ATRNL1: variants seen among roughly 807,000 people sequenced by gnomAD.
The protein encoded by ATRNL1 is attractin like 1, also known as attractin-like protein 1.
In ATRNL1, 95 loss-of-function variants were observed where a neutral mutation model predicts 182.7. The observed-to-expected ratio is 0.52, with a 90% CI of 0.44 to 0.62. The LOEUF is 0.62. Ranked by LOEUF, ATRNL1 falls within the 20% of genes least tolerant of loss-of-function variation. The pLI is 0.00. For missense variants in ATRNL1, 1,471 were observed against 1,679.5 expected, an observed-to-expected ratio of 0.88 and a Z score of 2.17; for synonymous variants, 576 against 568.3, an observed-to-expected ratio of 1.01 and a Z score of -0.19.
intron 10 of ATRNL1, among the ~76,000 whole-genome samples, chr10:115,259,664 A>C (rs530011372): frequency 6.6e-6 from 1 of 152,276 alleles, no homozygotes; most frequent in African/African-American, 2.4e-5. Context: ...CAGGTACCTC[A>C]GTTGGAAATG....
chr10:115,577,395 C>T (rs1394494143), intron 26 of ATRNL1, among the ~76,000 whole-genome samples: 1 of 151,698 alleles, frequency 6.6e-6, no homozygotes, highest in African/African-American at 2.4e-5. Flanking sequence ...TCTTCAGTTT[C>T]TTTAATCAAT....
At chr10:115,516,695 T>C (rs1806530321) in intron 24 of ATRNL1, among the ~76,000 whole-genome samples, 1 of 151,924 alleles carries the variant, frequency 6.6e-6, no homozygotes, top group African/African-American at 2.4e-5. Flanking sequence ...CTCTGTCCTT[T>C]GCTCACAATA....
intron 26 of ATRNL1, among the ~76,000 whole-genome samples, chr10:115,624,719 T>C (rs1857982874): frequency 6.6e-6 from 1 of 152,168 alleles, no homozygotes; most frequent in Non-Finnish European, 1.5e-5. Context: ...CAGCTGACTG[T>C]TAAACATTTA....
intron 24 of ATRNL1, among the ~76,000 whole-genome samples, chr10:115,518,090 A>G (rs1850730278): frequency 6.6e-6 from 1 of 151,928 alleles, no homozygotes; most frequent in Admixed American, 6.6e-5. Flanking sequence ...TCTTTACATA[A>G]GAAATACTGA....
At chr10:115,278,736 C>T (rs1852213929) in intron 13 of ATRNL1, among the ~76,000 whole-genome samples, 1 of 152,198 alleles carries the variant, frequency 6.6e-6, no homozygotes, top group Non-Finnish European at 1.5e-5. Flanking sequence ...ACCTTAGGCA[C>T]TAATACTACT....
chr10:115,866,184 A>G (rs954655607), intron 28 of ATRNL1, among the ~76,000 whole-genome samples: 1 of 152,178 alleles, frequency 6.6e-6, no homozygotes, highest in Non-Finnish European at 1.5e-5. Flanking sequence ...GCATCTCAAG[A>G]CTATAATATT....
rs1554862182 is a variant in ATRNL1 at position 115,093,648 on chromosome 10, G to T, written c.-103G>T. The T allele has an allele frequency of 7.8e-7, 1 of 1,281,108 alleles. No homozygotes were observed. Among genetic ancestry groups the T allele is most frequent in the South Asian group, 1.3e-5 (1 of 77,064 alleles). 79.4% of individuals were successfully genotyped at this position (1,281,108 alleles called of 1,614,324 possible). On this transcript the variant is annotated 5_prime_UTR_variant, in exon 1 of 29. Coordinates refer to ENST00000355044, the MANE Select transcript of ATRNL1 (RefSeq NM_207303.4). The surrounding 1 kb of genome is among the most constrained non-coding windows in gnomAD (Gnocchi z 6.1). ...TCGGACGGGCGCCGGTGAGGAGGAG[G>T]AGAAGCGGCGGCGGAGAGGTTTTCT...
At chr10:115,600,629 T>G (rs1856540518) in intron 26 of ATRNL1, among the ~76,000 whole-genome samples, 1 of 152,154 alleles carries the variant, frequency 6.6e-6, no homozygotes. Context: ...TTCTGGGTTA[T>G]AAATCCTTTG....
chr10:115,223,509 C>T (rs1849551381), intron 9 of ATRNL1, among the ~76,000 whole-genome samples: 1 of 151,632 alleles, frequency 6.6e-6, no homozygotes, highest in African/African-American at 2.4e-5. Context: ...TGACCAAACA[C>T]AAGAGACAAA....
chr10:115,901,011 C>T (rs1416246397), intron 28 of ATRNL1, among the ~76,000 whole-genome samples: 1 of 152,102 alleles, frequency 6.6e-6, no homozygotes, highest in Non-Finnish European at 1.5e-5. Context: ...ACATCCTTGC[C>T]AGCATGAAAT....
At chr10:115,844,133 G>T (rs1440274007) in intron 27 of ATRNL1, among the ~76,000 whole-genome samples, 2 of 152,088 alleles carry the variant, frequency 1.3e-5, no homozygotes, top group Admixed American at 6.6e-5. Flanking sequence ...CTACTGAAAA[G>T]GTTTTTGAGA....
At chr10:115,530,295 G>A (rs752670205) in intron 25 of ATRNL1, among the ~76,000 whole-genome samples, 5 of 152,076 alleles carry the variant, frequency 3.3e-5, no homozygotes, top group Non-Finnish European at 7.4e-5. Context: ...GTGATAAACT[G>A]CCAAACATTT....
intron 13 of ATRNL1, among the ~76,000 whole-genome samples, chr10:115,275,128 G>A (rs1166256259): frequency 1.3e-5 from 2 of 152,096 alleles, no homozygotes; most frequent in African/African-American, 2.4e-5. Flanking sequence ...TTTTCGCTCC[G>A]TAATTGTCCT....
intron 27 of ATRNL1, among the ~76,000 whole-genome samples, chr10:115,733,020 G>A (rs1947846111): frequency 6.6e-6 from 1 of 152,080 alleles, no homozygotes; most frequent in Non-Finnish European, 1.5e-5. Context: ...AATAAACTCA[G>A]CACACAAGCT....
chr10:115,803,005 T>C (rs1949833186), intron 27 of ATRNL1, among the ~76,000 whole-genome samples: 1 of 152,174 alleles, frequency 6.6e-6, no homozygotes, highest in Non-Finnish European at 1.5e-5. Context: ...TTAGAAGACT[T>C]GTTCCAAAAT....
chr10:115,503,088 C>T (rs1849926632), intron 24 of ATRNL1, among the ~76,000 whole-genome samples: 1 of 151,920 alleles, frequency 6.6e-6, no homozygotes, highest in African/African-American at 2.4e-5. Context: ...GACTTGGTGT[C>T]CTTTTTAGAC....
intron 1 of ATRNL1, among the ~76,000 whole-genome samples, chr10:115,102,113 AT>A (rs1843793114): frequency 6.6e-6 from 1 of 152,168 alleles, no homozygotes; most frequent in Non-Finnish European, 1.5e-5. Flanking sequence ...ATCTTCAGTT[AT>A]AATTTTGTAT....
At chr10:115,276,730 A>G (rs1807329072) in intron 13 of ATRNL1, among the ~76,000 whole-genome samples, 2 of 152,328 alleles carry the variant, frequency 1.3e-5, no homozygotes, top group South Asian at 4.1e-4. Flanking sequence ...AGTGAAGATC[A>G]GTAGAGTAGT....
chr10:115,799,755 A>G (rs1182502497), intron 27 of ATRNL1, among the ~76,000 whole-genome samples: 5 of 152,086 alleles, frequency 3.3e-5, no homozygotes, highest in African/African-American at 1.2e-4. Context: ...ACAACCCTAC[A>G]TTTTACACAG....
Sources: allele counts gnomAD v4.1 joint callset (sites outside exome capture counted in the v4.1 genomes callset), GRCh38; gene constraint gnomAD v4.1.1; non-coding constraint Gnocchi (gnomAD v3.1); transcripts MANE v1.5; gene names NCBI Gene and HGNC (gene_info 2026-07-23, HGNC 2026-07-21).